Variants in LTBP1 observed in about 807,000 individuals in gnomAD.
The protein encoded by LTBP1 is latent-transforming growth factor beta-binding protein 1.
Under a neutral mutation model 207.6 loss-of-function variants are expected in LTBP1, and 129 were observed. That is an observed-to-expected ratio of 0.62 (90% CI 0.54 to 0.72). The LOEUF (loss-of-function observed/expected upper bound fraction) is 0.72, where lower values mean the gene tolerates loss of function less well. LTBP1 is among the 30% of genes least tolerant of loss of function. The pLI is 0.00. For missense variants in LTBP1, 2,281 were observed against 2,217.2 expected (o/e 1.03, Z -0.58); for synonymous variants, 963 against 833.7 (o/e 1.16, Z -2.67).
Position 33,228,697 on chromosome 2 carries a change from C to CTTTTTTTTTTTTTTTTTTTTTTTTTTTTT in LTBP1, c.1876+6567_1876+6568insTTTTTTTTTTTTTTTTTTTTTTTTTTTTT, listed in dbSNP as rs1244221993. Among the ~76,000 whole-genome samples the CTTTTTTTTTTTTTTTTTTTTTTTTTTTTT allele has an allele frequency of 4.8e-4, 48 of 99,050 alleles. 12 individuals carry two copies. The highest frequency in any genetic ancestry group is 6.8e-4 in the South Asian group (2 of 2,960). 65.0% of individuals were successfully genotyped at this position (99,050 alleles called of 152,430 possible). A position where few individuals can be genotyped will look rare whatever the true frequency, so the allele number is the denominator to read the frequency against. On this transcript the variant is annotated intron_variant, in intron 9 of 33. Coordinates refer to ENST00000404816, the MANE Select transcript of LTBP1 (RefSeq NM_206943.4). ...TAATAAGCCCAACCAGGGTTATACC[C>CTTTTTTTTTTTTTTTTTTTTTTTTTTTTT]TTTTTTTTTTTTTTTTTTTTTGAGA...
At position 33,021,217 on chromosome 2, in the gene LTBP1, C is replaced by G. The variant is rs78080486; in HGVS notation, c.863+11C>G. ...GCAGATACATTCTCAGTGAGTGTTT[C>G]GAACTTTCATTTAGCTAAGGATCAT... On this transcript the variant is annotated intron_variant, in intron 3 of 33. Transcript: ENST00000404816. 7.6e-6 allele frequency: 12 copies of G among 1,570,868 alleles called. No individual in the cohort carries two copies. The African/African-American group carries it at 1.6e-4, about 21-fold the overall frequency.
intron 8 of LTBP1, among the ~76,000 whole-genome samples, chr2:33,219,186 T>A (rs2090920910): frequency 6.6e-6 from 1 of 152,204 alleles, no homozygotes; most frequent in African/African-American, 2.4e-5. Context: ...AAGTTCCTCA[T>A]AATTAATGAA....
At chr2:33,380,968 A>G (rs2095207199) in intron 31 of LTBP1, among the ~76,000 whole-genome samples, 1 of 152,244 alleles carries the variant, frequency 6.6e-6, no homozygotes, top group African/African-American at 2.4e-5. Flanking sequence ...TCAGAGTGGT[A>G]TTTAAAGAGC....
intron 24 of LTBP1, among the ~76,000 whole-genome samples, chr2:33,322,546 A>T (rs1279444788): frequency 6.6e-6 from 1 of 152,218 alleles, no homozygotes; most frequent in Admixed American, 6.5e-5. Context: ...TGATTGCATG[A>T]TTTTATTAAA....
chr2:33,265,760 C>T (rs996943214), intron 15 of LTBP1, among the ~76,000 whole-genome samples: 2 of 151,626 alleles, frequency 1.3e-5, no homozygotes, highest in Non-Finnish European at 2.9e-5. Flanking sequence ...TCCATATTTT[C>T]TAAACTGAAC....
At chr2:33,370,454 A>G (rs879703229) in intron 31 of LTBP1, among the ~76,000 whole-genome samples, 3 of 152,214 alleles carry the variant, frequency 2.0e-5, no homozygotes, top group Admixed American at 2.0e-4. Context: ...GGCGCGAGAC[A>G]CAGGATTCTG....
intron 3 of LTBP1, among the ~76,000 whole-genome samples, chr2:33,067,088 C>T (rs976627829): frequency 1.2e-4 from 19 of 152,188 alleles, no homozygotes; most frequent in African/African-American, 3.9e-4. Flanking sequence ...AGGAGGATTC[C>T]TTGAGCCCAG....
intron 4 of LTBP1, among the ~76,000 whole-genome samples, chr2:33,115,349 G>T (rs1356881268): frequency 6.6e-6 from 1 of 152,138 alleles, no homozygotes; most frequent in Non-Finnish European, 1.5e-5. Flanking sequence ...ACAGGGGAGA[G>T]TGGGAATAGG....
chr2:33,271,529 A>C (rs2093321645), intron 15 of LTBP1, among the ~76,000 whole-genome samples: 1 of 152,208 alleles, frequency 6.6e-6, no homozygotes. Context: ...CCATGAGTAT[A>C]ACCTGGTGAA....
At chr2:33,262,520 G>A (rs2093043302) in intron 13 of LTBP1, among the ~76,000 whole-genome samples, 1 of 146,796 alleles carries the variant, frequency 6.8e-6, no homozygotes, top group South Asian at 2.2e-4. Context: ...GCTTTCCATA[G>A]TAGCACCACA....
chr2:33,043,800 C>T (rs1036977546), intron 3 of LTBP1, among the ~76,000 whole-genome samples: 3 of 152,012 alleles, frequency 2.0e-5, no homozygotes, highest in Non-Finnish European at 2.9e-5. Context: ...GAGGACCAGG[C>T]GGTGGAGGAC....
chr2:33,107,952 T>C (rs2150223794), intron 3 of LTBP1, among the ~76,000 whole-genome samples: 1 of 152,120 alleles, frequency 6.6e-6, no homozygotes, highest in East Asian at 1.9e-4. Flanking sequence ...CCAATTTAAA[T>C]GGAGAGAGAC....
intron 19 of LTBP1, among the ~76,000 whole-genome samples, chr2:33,292,143 A>G (rs2093786916): frequency 6.6e-6 from 1 of 152,222 alleles, no homozygotes; most frequent in African/African-American, 2.4e-5. Context: ...ACCCAGGGCC[A>G]TTCAAATGGA....
intron 6 of LTBP1, among the ~76,000 whole-genome samples, chr2:33,187,740 A>T (rs1173493687): frequency 1.3e-5 from 2 of 152,210 alleles, no homozygotes; most frequent in African/African-American, 4.8e-5. Flanking sequence ...TATAGATATA[A>T]AATAATGCAC....
At chr2:33,084,853 G>A (rs567434335) in intron 3 of LTBP1, among the ~76,000 whole-genome samples, 1 of 152,172 alleles carries the variant, frequency 6.6e-6, no homozygotes, top group African/African-American at 2.4e-5. Context: ...GTTTCACCAG[G>A]TTTCTGTGAG....
intron 1 of LTBP1, among the ~76,000 whole-genome samples, chr2:32,948,626 C>T (rs905364876): frequency 5.9e-5 from 9 of 152,238 alleles, no homozygotes; most frequent in East Asian, 1.9e-4. Context: ...GGGCCCTGTT[C>T]TCCCTTCCTG....
intron 3 of LTBP1, among the ~76,000 whole-genome samples, chr2:33,078,857 C>CTTTTT (rs879714056): frequency 0.051 from 4,651 of 90,830 alleles, 473 homozygotes; most frequent in East Asian, 0.28. Context: ...CTTTTCTTTT[C>CTTTTT]TTTTCTTTTT....
chr2:33,039,829 G>A lies in LTBP1; in HGVS notation c.863+18623G>A, dbSNP rs187480552. ...AGGGTCAGTACTGGAGTGATAATGGGTTCGGAAAGGCAGGTTCTGGGCAAG... is the reference window on the plus strand; with the variant it reads ...AGGGTCAGTACTGGAGTGATAATGGATTCGGAAAGGCAGGTTCTGGGCAAG... On this transcript the variant is annotated intron_variant, in intron 3 of 33. Coordinates refer to ENST00000404816, the MANE Select transcript of LTBP1 (RefSeq NM_206943.4). Among the ~76,000 whole-genome samples the A allele has an allele frequency of 1.2e-3, 178 of 152,244 alleles. 2 individuals carry two copies. Among genetic ancestry groups the A allele is most frequent in the Non-Finnish European group, 2.2e-4 (15 of 68,026 alleles).
At chr2:33,319,541 A>G (rs1170236964) in intron 24 of LTBP1, among the ~76,000 whole-genome samples, 2 of 152,152 alleles carry the variant, frequency 1.3e-5, no homozygotes, top group Admixed American at 1.3e-4. Context: ...GTCTGTCCCC[A>G]TGGCCCATGG....
Sources: allele counts gnomAD v4.1 joint callset (sites outside exome capture counted in the v4.1 genomes callset), GRCh38; gene constraint gnomAD v4.1.1; transcripts MANE v1.5; gene names NCBI Gene and HGNC (gene_info 2026-07-23, HGNC 2026-07-21).